COL1A2: variants seen among roughly 807,000 people sequenced by gnomAD.
COL1A2 encodes collagen alpha-2(I) chain.
In COL1A2, 49 loss-of-function variants were observed where a neutral mutation model predicts 174.3. The ratio of observed to expected loss-of-function variants is 0.28; its 90% CI spans 0.22 to 0.36. The LOEUF is 0.36. Among genes scored for constraint, COL1A2 ranks in the 10% least tolerant of loss-of-function variants. The pLI is 1.00. For missense variants in COL1A2, 1,438 were observed against 1,822.7 expected (o/e 0.79, Z 3.84); for synonymous variants, 655 against 606.6 (o/e 1.08, Z -1.17).
At position 94,410,923 on chromosome 7, in the gene COL1A2, A is replaced by T; in HGVS notation, c.1232A>T (p.Asp411Val). 6.2e-7 allele frequency: 1 copy of T among 1,613,760 alleles called. No individual in the cohort carries two copies. Among genetic ancestry groups the T allele is most frequent in the South Asian group, 1.1e-5 (1 of 91,074 alleles). Residue 411 changes from aspartate to valine, a missense_variant, in exon 22 of 52, where the codon GAT (aspartate) becomes GTT (valine). This residue lies in a region of COL1A2 where 867 missense variants were observed against 1,213.7 expected (regional missense o/e 0.71). Transcript: ENST00000297268. ...GGTTCTCGTGGTCTTCCTGGAGCTG[A>T]TGGCAGAGCTGGCGTCATGGTAAGC... ...SPGSRGLPGA[D>V]GRAGVMGPPG... is the part of the protein sequence containing the mutation.
intron 34 of COL1A2, 148 bp downstream of exon 34, chr7:94,419,699 C>A: frequency 1.1e-6 from 1 of 877,362 alleles, no homozygotes; most frequent in Non-Finnish European, 1.9e-6. Flanking sequence ...CAGCAGGAAA[C>A]AAATGCTGTG....
intron 50 of COL1A2, 63 bp from the exon 51 acceptor site, chr7:94,429,125 T>TTTTTGACTCTTA: frequency 1.9e-6 from 2 of 1,076,278 alleles, no homozygotes; most frequent in African/African-American, 1.8e-5. Context: ...TTTTTTTTCA[T>TTTTTGACTCTTA]GTTTGACTCT....
intron 24 of COL1A2, 84 bp downstream of exon 24, chr7:94,412,205 G>T (rs1791943382): frequency 1.8e-6 from 2 of 1,121,012 alleles, no homozygotes; most frequent in South Asian, 2.6e-5. Context: ...ATTTATACAT[G>T]AACACATTGA....
At chr7:94,420,757 G>T (rs1033027874) in intron 37 of COL1A2, 109 bp downstream of exon 37, 1 of 1,057,404 alleles carries the variant, frequency 9.5e-7, no homozygotes, top group African/African-American at 1.6e-5. Context: ...CCAGATAGAA[G>T]ATGGAAAATA....
chr7:94,397,024 C>T (rs41317852), intron 1 of COL1A2, among the ~76,000 whole-genome samples: 1 of 151,948 alleles, frequency 6.6e-6, no homozygotes, highest in African/African-American at 2.4e-5. Flanking sequence ...TTTTCAAGAT[C>T]TTTAATCCGG....
intron 38 of COL1A2, among the ~76,000 whole-genome samples, chr7:94,421,624 A>G (rs1465807453): frequency 6.6e-6 from 1 of 152,228 alleles, no homozygotes; most frequent in Non-Finnish European, 1.5e-5. Context: ...CTTTACAACC[A>G]TAAGATAATA....
intron 16 of COL1A2, 35 bp downstream of exon 16, chr7:94,408,858 T>G (rs1562900578): frequency 1.3e-6 from 2 of 1,587,058 alleles, no homozygotes; most frequent in Non-Finnish European, 8.7e-7. Flanking sequence ...ACTACTTTGA[T>G]AAACTTTTTA....
chr7:94,403,285 A>G (rs1271242488), intron 6 of COL1A2, among the ~76,000 whole-genome samples: 1 of 152,220 alleles, frequency 6.6e-6, no homozygotes, highest in Non-Finnish European at 1.5e-5. Flanking sequence ...ACACACATGC[A>G]CAGACATATG....
intron 40 of COL1A2, chr7:94,424,001 T>C (rs2115945036): frequency 3.1e-6 from 1 of 319,328 alleles, no homozygotes; most frequent in Admixed American, 4.3e-5. Context: ...ACAACTATTA[T>C]GTATCCATAA....
intron 51 of COL1A2, 88 bp from the exon 52 acceptor site, chr7:94,430,159 C>T: frequency 7.7e-7 from 1 of 1,305,350 alleles, no homozygotes; most frequent in Non-Finnish European, 1.1e-6. Flanking sequence ...ACATGCCAAA[C>T]AGTGGTTCTT....
At chr7:94,399,230 C>A in intron 4 of COL1A2, 146 bp downstream of exon 4, 1 of 682,668 alleles carries the variant, frequency 1.5e-6, no homozygotes, top group South Asian at 2.1e-5. Flanking sequence ...GCAGAAGAAG[C>A]GAATGAGCAT....
At chr7:94,429,508 G>C in intron 51 of COL1A2, 78 bp downstream of exon 51, 1 of 1,508,818 alleles carries the variant, frequency 6.6e-7, no homozygotes, top group Non-Finnish European at 9.1e-7. Flanking sequence ...CCCCAAGGGG[G>C]GGTCTAAAGG....
intron 51 of COL1A2, chr7:94,429,960 C>T: frequency 2.2e-6 from 1 of 464,690 alleles, no homozygotes; most frequent in Non-Finnish European, 3.9e-6. Context: ...ATACACACAA[C>T]AATCCTAAAA....
At chr7:94,404,792 T>C (rs567568805) in intron 8 of COL1A2, 46 bp downstream of exon 8, 2 of 1,613,988 alleles carry the variant, frequency 1.2e-6, no homozygotes, top group East Asian at 2.2e-5. Context: ...TTCCAGGAAG[T>C]TTATGAATAT....
Position 94,409,620 on chromosome 7 carries a change from T to G in COL1A2, c.936+12T>G. On this transcript the variant is annotated intron_variant, in intron 18 of 51. Coordinates refer to ENST00000297268, the MANE Select transcript of COL1A2 (RefSeq NM_000089.4). ...CCAAGGGTGCTGCTGTGAGTATACC[T>G]GCGTAGCTAAAATGTGCTGCTATGA... 1 of 1,614,152 alleles carries G rather than the reference T, an allele frequency of 6.2e-7. No individual in the cohort carries two copies. The highest frequency in any genetic ancestry group is 8.5e-7 in the Non-Finnish European group (1 of 1,179,986).
At chr7:94,429,513 T>C in intron 51 of COL1A2, 83 bp downstream of exon 51, 1 of 1,446,042 alleles carries the variant, frequency 6.9e-7, no homozygotes, top group Non-Finnish European at 9.6e-7. Flanking sequence ...AGGGGGGGTC[T>C]AAAGGGGGGT....
At chr7:94,411,219 T>A in intron 23 of COL1A2, 65 bp downstream of exon 23, 1 of 1,251,386 alleles carries the variant, frequency 8.0e-7, no homozygotes, top group Non-Finnish European at 1.1e-6. Flanking sequence ...AAGGGTTGGT[T>A]AATATTGAAG....
At chr7:94,409,870 C>A in intron 19 of COL1A2, 49 bp downstream of exon 19, 2 of 1,533,806 alleles carry the variant, frequency 1.3e-6, no homozygotes, top group Non-Finnish European at 1.8e-6. Context: ...ACCACCTCTG[C>A]CATCATTTCA....
intron 12 of COL1A2, 136 bp from the exon 13 acceptor site, chr7:94,407,711 A>G (rs1288189872): frequency 1.2e-5 from 9 of 754,440 alleles, no homozygotes; most frequent in Non-Finnish European, 2.0e-5. Context: ...GGCATAATTG[A>G]AAAACAATCT....
Sources: gnomAD v4.1 joint callset for allele counts (sites outside exome capture counted in the v4.1 genomes callset) on GRCh38, gnomAD v4.1.1 for gene constraint, gnomAD v4.1.1 regional missense constraint, MANE v1.5 for transcripts, NCBI Gene and HGNC (gene_info 2026-07-23, HGNC 2026-07-21) for gene names.